Variants in TAF8 observed in about 807,000 individuals in gnomAD.
The protein encoded by TAF8 is transcription initiation factor TFIID subunit 8.
Under a neutral mutation model 36.5 loss-of-function variants are expected in TAF8, and 47 were observed. That is an observed-to-expected ratio of 1.29 (90% CI 1.02 to 1.64). TAF8 has a LOEUF of 1.64. Among genes scored for constraint, TAF8 ranks in the 40% most tolerant of loss-of-function variants. The pLI, the probability that TAF8 is intolerant of heterozygous loss-of-function variation, is 0.00. For missense variants in TAF8, 420 were observed against 407.6 expected, an observed-to-expected ratio of 1.03 and a Z score of -0.26; for synonymous variants, 175 against 159.5, an observed-to-expected ratio of 1.10 and a Z score of -0.73.
chr6:42,051,330 G>T, intron 1 of TAF8, 27 bp from the exon 2 acceptor site: 2 of 1,600,610 alleles, frequency 1.2e-6, no homozygotes, highest in Non-Finnish European at 1.7e-6. Flanking sequence ...TTCTCCTGTG[G>T]ATGAAAATCT....
At chr6:42,076,701 T>C (rs1167522425) in intron 7 of TAF8, among the ~76,000 whole-genome samples, 1 of 152,216 alleles carries the variant, frequency 6.6e-6, no homozygotes, top group East Asian at 1.9e-4. Flanking sequence ...GATGATGTGT[T>C]CTGATCCTGT....
At chr6:42,070,406 G>A (rs530415557) in intron 7 of TAF8, among the ~76,000 whole-genome samples, 1 of 152,304 alleles carries the variant, frequency 6.6e-6, no homozygotes, top group African/African-American at 2.4e-5. Flanking sequence ...GCAGGAGAAT[G>A]GCGTGAACCT....
intron 2 of TAF8, among the ~76,000 whole-genome samples, chr6:42,054,679 G>A (rs1249883026): frequency 6.6e-6 from 1 of 151,962 alleles, no homozygotes; most frequent in Non-Finnish European, 1.5e-5. Flanking sequence ...TGCCATCTCG[G>A]CTCACTGCAA....
chr6:42,051,379 C>G lies in TAF8; in HGVS notation c.68C>G (p.Thr23Ser). The change falls in exon 2 of 9, where the codon ACT (threonine) becomes AGT (serine). Residue 23 changes from threonine to serine, a missense_variant. Transcript: ENST00000372977. The stretch of plus-strand genomic sequence containing the variant: ...CAGAGATCGGGAAGTAAACAGTCCA[C>G]TAACCCTGCCGATAACTATCATCTG... ...SGTRSGSKQS[T>S]NPADNYHLAR... The G allele has an allele frequency of 1.9e-6, 3 of 1,614,138 alleles. No homozygotes were observed. The highest frequency in any genetic ancestry group is 1.7e-6 in the Non-Finnish European group (2 of 1,179,998).
chr6:42,052,201 A>G (rs1764815429), intron 2 of TAF8, among the ~76,000 whole-genome samples: 1 of 152,084 alleles, frequency 6.6e-6, no homozygotes, highest in Non-Finnish European at 1.5e-5. Context: ...TTGGTGAGTT[A>G]TGGGTGCCCT....
intron 4 of TAF8, among the ~76,000 whole-genome samples, chr6:42,056,533 G>A (rs559083599): frequency 6.6e-6 from 1 of 151,912 alleles, no homozygotes; most frequent in Non-Finnish European, 1.5e-5. Flanking sequence ...GTAAACCTGG[G>A]TGCCATAAGC....
intron 5 of TAF8, among the ~76,000 whole-genome samples, chr6:42,064,634 C>T (rs150818134): frequency 1.2e-3 from 178 of 152,100 alleles, no homozygotes; most frequent in African/African-American, 4.1e-3. Flanking sequence ...AGGTGACACA[C>T]TTGAACTGAT....
At chr6:42,086,468 G>T (rs1271133327), downstream of TAF8, among the ~76,000 whole-genome samples, 2 of 152,198 alleles carry the variant, frequency 1.3e-5, no homozygotes, top group Non-Finnish European at 2.9e-5. Flanking sequence ...CCTGTGCCGG[G>T]AGCACCGTGG....
chr6:42,055,655 C>G lies in TAF8; in HGVS notation c.301+26C>G, dbSNP rs751452380. On this transcript the variant is annotated intron_variant, in intron 3 of 8. Transcript: ENST00000372977. ...GTGAGTATACCTTCAGTTTCCAGTT[C>G]TTCGATGCAACTGGGAGAGGAGTCC... The G allele has an allele frequency of 5.8e-6, 9 of 1,542,938 alleles. No homozygotes were observed. In the South Asian group the frequency reaches 8.9e-5, roughly 15 times the overall value.
In TAF8 at chr6:42,079,479, A is replaced by G. The variant is rs934587520; in HGVS notation, c.*1934A>G. The G allele has an allele frequency of 3.0e-6, 3 of 985,438 alleles. No homozygotes were observed. The highest frequency in any genetic ancestry group is 3.6e-6 in the Non-Finnish European group (3 of 829,914). 61.0% of individuals were successfully genotyped at this position (985,438 alleles called of 1,614,324 possible). On this transcript the variant is annotated 3_prime_UTR_variant, in exon 9 of 9. Transcript: ENST00000372977. ...AAAAATGTAACAACACGTGGAAGTGAACACTGGATGAATAAGCTTGTTTCC... is the reference window on the plus strand; with the variant it reads ...AAAAATGTAACAACACGTGGAAGTGGACACTGGATGAATAAGCTTGTTTCC...
chr6:42,078,593 A>C lies in TAF8; in HGVS notation c.*1048A>C, dbSNP rs1235441195. The stretch of plus-strand genomic sequence containing the variant: ...CTTGAGCAGATGCATCACTGTGAAG[A>C]AGAACGACATGTCGGGGCTGCACCT... On this transcript the variant is annotated 3_prime_UTR_variant, in exon 9 of 9. Coordinates refer to ENST00000372977, the MANE Select transcript of TAF8 (RefSeq NM_138572.3). 12 of 985,484 alleles carry C rather than the reference A, an allele frequency of 1.2e-5. No individual in the cohort carries two copies. Among genetic ancestry groups the C allele is most frequent in the Non-Finnish European group, 1.3e-5 (11 of 829,942 alleles). 61.0% of individuals were successfully genotyped at this position (985,484 alleles called of 1,614,324 possible). A position where few individuals can be genotyped will look rare whatever the true frequency, so the allele number is the denominator to read the frequency against.
At chr6:42,087,001 C>A, downstream of TAF8, 1 of 579,176 alleles carries the variant, frequency 1.7e-6, no homozygotes, top group Non-Finnish European at 3.1e-6. Context: ...TCTGCCGTGC[C>A]CTCTGAAATA....
chr6:42,081,194 T>TGC lies in TAF8; in HGVS notation c.*3650_*3651insCG, dbSNP rs1289160450. 1.4e-5 allele frequency: 2 copies of TGC among 146,080 alleles called. No individual in the cohort carries two copies. Among genetic ancestry groups the TGC allele is most frequent in the Non-Finnish European group, 1.5e-5 (1 of 67,942 alleles). The allele number at this position is 146,080 out of a possible 1,614,324, so 9.0% of individuals were successfully genotyped here. A position where few individuals can be genotyped will look rare whatever the true frequency, so the allele number is the denominator to read the frequency against. On this transcript the variant is annotated 3_prime_UTR_variant, in exon 9 of 9. Transcript: ENST00000372977. ...GAGTGTGTGTGTGTGTGTGTGTGCGTGTGTGTGCGTGTGAGACAGAGTTTC... is the reference window on the plus strand; with the variant it reads ...GAGTGTGTGTGTGTGTGTGTGTGCGTGCGTGTGTGCGTGTGAGACAGAGTTTC...
chr6:42,064,186 G>T (rs1318699808), intron 5 of TAF8, among the ~76,000 whole-genome samples: 3 of 151,994 alleles, frequency 2.0e-5, no homozygotes, highest in African/African-American at 7.2e-5. Context: ...ACAAGATTTT[G>T]CATTTTAATG....
Position 42,083,047 on chromosome 6 carries a change from AAGAC to A in TAF8, c.*5506_*5509del, listed in dbSNP as rs1223607408. On this transcript the variant is annotated 3_prime_UTR_variant, in exon 9 of 9. Transcript: ENST00000372977. ...TATATGTATACAGTATAAAATTTAA[AAGAC>A]AGAAAAAGATATAAGTGATAACAAA... is the stretch of plus-strand genomic sequence containing the variant. 17 of 152,234 alleles carry A rather than the reference AAGAC, an allele frequency of 1.1e-4. No individual in the cohort carries two copies. The highest frequency in any genetic ancestry group is 3.9e-4 in the Admixed American group (6 of 15,284). 9.4% of individuals were successfully genotyped at this position (152,234 alleles called of 1,614,324 possible). A position where few individuals can be genotyped will look rare whatever the true frequency, so the allele number is the denominator to read the frequency against.
chr6:42,083,729 C>G (rs1294292094), downstream of TAF8, among the ~76,000 whole-genome samples: 1 of 152,136 alleles, frequency 6.6e-6, no homozygotes, highest in Non-Finnish European at 1.5e-5. Context: ...AACACAATCT[C>G]TTTCTGGGCT....
intron 7 of TAF8, among the ~76,000 whole-genome samples, chr6:42,069,980 C>G (rs1765509876): frequency 6.6e-6 from 1 of 152,040 alleles, no homozygotes; most frequent in African/African-American, 2.4e-5. Flanking sequence ...TGGGTGGCTC[C>G]AATGGTAGGA....
chr6:42,079,785 C>A lies in TAF8; in HGVS notation c.*2240C>A. On this transcript the variant is annotated 3_prime_UTR_variant, in exon 9 of 9. Coordinates refer to ENST00000372977, the MANE Select transcript of TAF8 (RefSeq NM_138572.3). Reference sequence around the variant, plus strand: ...CCCAGGCTGGTCTTGAACTCCTGGCCTCAAGTGATCCACCCGCCTTGGCCT... The same window carrying A: ...CCCAGGCTGGTCTTGAACTCCTGGCATCAAGTGATCCACCCGCCTTGGCCT... 3 of 913,974 alleles carry A rather than the reference C, an allele frequency of 3.3e-6. No individual in the cohort carries two copies. Among genetic ancestry groups the A allele is most frequent in the Non-Finnish European group, 3.9e-6 (3 of 765,304 alleles). 56.6% of individuals were successfully genotyped at this position (913,974 alleles called of 1,614,324 possible).
chr6:42,072,638 T>A (rs1352611540), intron 7 of TAF8, among the ~76,000 whole-genome samples: 2 of 152,214 alleles, frequency 1.3e-5, no homozygotes, highest in Admixed American at 6.5e-5. Flanking sequence ...CCATTTAATT[T>A]ATCTAGTCCC....
Sources: allele counts gnomAD v4.1 joint callset (sites outside exome capture counted in the v4.1 genomes callset), GRCh38; gene constraint gnomAD v4.1.1; transcripts MANE v1.5; gene names NCBI Gene and HGNC (gene_info 2026-07-23, HGNC 2026-07-21).